Variants in ARHGAP44 observed in about 807,000 individuals in gnomAD.
ARHGAP44 encodes the protein rho GTPase-activating protein 44.
ARHGAP44 carries 43 observed loss-of-function variants against 106.8 expected under a neutral mutation model. That is an observed-to-expected ratio of 0.40 (90% CI 0.32 to 0.52). The LOEUF (loss-of-function observed/expected upper bound fraction) is 0.52, where lower values mean the gene tolerates loss of function less well. Ranked by LOEUF, ARHGAP44 falls within the 20% of genes least tolerant of loss-of-function variation. ARHGAP44 has a pLI of 0.48. For synonymous variants in ARHGAP44, 439 were observed against 410.3 expected (o/e 1.07, Z -0.85); for missense variants, 866 against 1,050.5 (o/e 0.82, Z 2.43).
At chr17:12,982,720 A>G (rs1294979269) in intron 19 of ARHGAP44, 2 of 152,228 alleles carry the variant, frequency 1.3e-5, no homozygotes, top group African/African-American at 4.8e-5. Flanking sequence ...CTCCAATTGC[A>G]TAGAAGATGT....
chr17:12,952,612 T>A (rs1419214769), intron 13 of ARHGAP44, 31 bp downstream of exon 13: 1 of 1,510,762 alleles, frequency 6.6e-7, no homozygotes, highest in African/African-American at 1.4e-5. Flanking sequence ...TATAGACACA[T>A]GGCTTGGGCT....
chr17:12,990,422 C>CTCTT lies in ARHGAP44; in HGVS notation c.*253_*256dup. 2.2e-6 allele frequency: 1 copy of CTCTT among 446,564 alleles called. No individual in the cohort carries two copies. The highest frequency in any genetic ancestry group is 4.1e-6 in the Non-Finnish European group (1 of 242,188). 27.7% of individuals were successfully genotyped at this position (446,564 alleles called of 1,614,324 possible). On this transcript the variant is annotated 3_prime_UTR_variant, in exon 21 of 21. Transcript: ENST00000379672. ...TGACCTTTGCCTTTTGACTTTGTGC[C>CTCTT]TCTTTTGATCCACTTTCAGCCTCCA...
rs145128776 is a variant in ARHGAP44, at chr17:12,917,966, G to T, written c.388-1789G>T. Among the ~76,000 whole-genome samples, 125 of 152,284 alleles carry T rather than the reference G, an allele frequency of 8.2e-4. 1 individual carries two copies. Among genetic ancestry groups the T allele is most frequent in the African/African-American group, 2.9e-3 (120 of 41,564 alleles). On this transcript the variant is annotated intron_variant, in intron 5 of 20. Coordinates refer to ENST00000379672, the MANE Select transcript of ARHGAP44 (RefSeq NM_014859.6). ...GACACTCTCTCTGGGACAGAGGTAT[G>T]GGCCGGTAATTACTTATGGACCTGA...
At chr17:12,854,752 A>G (rs1028759360) in intron 1 of ARHGAP44, among the ~76,000 whole-genome samples, 1 of 152,074 alleles carries the variant, frequency 6.6e-6, no homozygotes, top group African/African-American at 2.4e-5. Context: ...TTAGGTTGGG[A>G]GCTCGAGACC....
intron 1 of ARHGAP44, among the ~76,000 whole-genome samples, chr17:12,812,010 T>A (rs566238247): frequency 8.1e-4 from 124 of 152,254 alleles, no homozygotes; most frequent in Non-Finnish European, 1.0e-3. Flanking sequence ...CCATAACTTC[T>A]GGGGGACACA....
At chr17:12,830,910 C>T (rs886719510) in intron 1 of ARHGAP44, among the ~76,000 whole-genome samples, 4 of 152,176 alleles carry the variant, frequency 2.6e-5, no homozygotes, top group Admixed American at 1.3e-4. Flanking sequence ...TTTAAAGGGA[C>T]ATTATCCCAT....
rs137916039 is a variant in ARHGAP44 at position 12,845,807 on chromosome 17, C to T, written c.54-49133C>T. On this transcript the variant is annotated intron_variant, in intron 1 of 20. Transcript: ENST00000379672. ...AACTGCCTTTGCCAGATATTTACAA[C>T]ACACACACGTGCACTGTAACTCAAG... is the stretch of plus-strand genomic sequence containing the variant. Among the ~76,000 whole-genome samples, 530 of 149,746 alleles carry T rather than the reference C, an allele frequency of 3.5e-3. 2 individuals are homozygous for T. Among genetic ancestry groups the T allele is most frequent in the Middle Eastern group, 7.0e-3 (2 of 286 alleles).
At chr17:12,843,694 C>T (rs1358228096) in intron 1 of ARHGAP44, among the ~76,000 whole-genome samples, 2 of 125,326 alleles carry the variant, frequency 1.6e-5, no homozygotes, top group Non-Finnish European at 3.1e-5. Context: ...TTTCGTCTGT[C>T]ACCCAGGCTG....
intron 1 of ARHGAP44, among the ~76,000 whole-genome samples, chr17:12,837,863 A>G (rs2035283473): frequency 6.6e-6 from 1 of 152,026 alleles, no homozygotes; most frequent in Admixed American, 6.6e-5. Flanking sequence ...TTGTTTACTG[A>G]TGGTTTGAGT....
chr17:12,949,715 G>T lies in ARHGAP44; in HGVS notation c.1040G>T (p.Trp347Leu). ...PLMTFELYDE[W>L]IQASNVQEQD... ...ATGACCTTTGAACTCTATGATGAGTGGATCCAGGCTTCCAAGTGAGTACCC... is the reference window on the plus strand; with the variant it reads ...ATGACCTTTGAACTCTATGATGAGTTGATCCAGGCTTCCAAGTGAGTACCC... Residue 347 changes from tryptophan (W) to leucine (L), a missense_variant, in exon 12 of 21, where the codon TGG becomes TTG. Physicochemically the swap from Trp to Leu is moderately conservative, Grantham distance 61 (BLOSUM62 -2). Coordinates refer to ENST00000379672, the MANE Select transcript of ARHGAP44 (RefSeq NM_014859.6). This position sits in a 1 kb window ranked among gnomAD's most constrained non-coding sequence, Gnocchi z 4.1. 6.2e-7 allele frequency: 1 copy of T among 1,613,728 alleles called. No individual in the cohort carries two copies. Among genetic ancestry groups the T allele is most frequent in the Middle Eastern group, 1.6e-4 (1 of 6,062 alleles).
At chr17:12,861,663 T>C in intron 1 of ARHGAP44, among the ~76,000 whole-genome samples, 2 of 4,702 alleles carry the variant, frequency 4.3e-4, no homozygotes. Context: ...TTTTTTGAGA[T>C]GGAATCTTGC....
At chr17:12,823,253 G>A (rs993230156) in intron 1 of ARHGAP44, among the ~76,000 whole-genome samples, 6 of 152,148 alleles carry the variant, frequency 3.9e-5, no homozygotes, top group East Asian at 1.9e-4. Flanking sequence ...TGACTCTAAC[G>A]CAGGTTGGTA....
At chr17:12,878,979 AT>A (rs2036637237) in intron 1 of ARHGAP44, among the ~76,000 whole-genome samples, 1 of 151,980 alleles carries the variant, frequency 6.6e-6, no homozygotes, top group Non-Finnish European at 1.5e-5. Flanking sequence ...CAGTAATTTT[AT>A]TTTACTGTTT....
intron 1 of ARHGAP44, among the ~76,000 whole-genome samples, chr17:12,852,485 T>C (rs1169405457): frequency 6.6e-6 from 1 of 151,280 alleles, no homozygotes; most frequent in Admixed American, 6.6e-5. Flanking sequence ...CTTATATCTT[T>C]TGTATTTATA....
At chr17:12,843,733 G>A (rs1024640039) in intron 1 of ARHGAP44, among the ~76,000 whole-genome samples, 2 of 139,810 alleles carry the variant, frequency 1.4e-5, no homozygotes, top group Non-Finnish European at 3.0e-5. Flanking sequence ...TCTGCTCACT[G>A]CAACCACCAC....
intron 1 of ARHGAP44, among the ~76,000 whole-genome samples, chr17:12,891,171 G>A (rs2037033922): frequency 6.6e-6 from 1 of 152,126 alleles, no homozygotes; most frequent in Non-Finnish European, 1.5e-5. Context: ...TCACAGCAAT[G>A]CAGCCTTTTT....
intron 1 of ARHGAP44, among the ~76,000 whole-genome samples, chr17:12,861,270 G>T (rs548198071): frequency 3.3e-5 from 5 of 152,196 alleles, no homozygotes; most frequent in African/African-American, 1.2e-4. Context: ...GGTTACAGGC[G>T]TGAGCCACCG....
chr17:12,835,381 T>A (rs1320323274), intron 1 of ARHGAP44, among the ~76,000 whole-genome samples: 1 of 152,148 alleles, frequency 6.6e-6, no homozygotes, highest in Admixed American at 6.5e-5. Context: ...AATATCAGGT[T>A]CTGGGCATTG....
chr17:12,817,102 C>T (rs917689573), intron 1 of ARHGAP44, among the ~76,000 whole-genome samples: 12 of 151,932 alleles, frequency 7.9e-5, no homozygotes, highest in Non-Finnish European at 1.8e-4. Flanking sequence ...AACTAGAAAT[C>T]TGTAACAGAA....
Sources: gnomAD v4.1 joint callset for allele counts (sites outside exome capture counted in the v4.1 genomes callset) on GRCh38, gnomAD v4.1.1 for gene constraint, Gnocchi (gnomAD v3.1) non-coding constraint, MANE v1.5 for transcripts, NCBI Gene and HGNC (gene_info 2026-07-23, HGNC 2026-07-21) for gene names.